VPS13A: variants seen among roughly 807,000 people sequenced by gnomAD.
VPS13A encodes the protein vacuolar protein sorting 13 homolog A.
In VPS13A, 264 loss-of-function variants were observed where a neutral mutation model predicts 390.9. The ratio of observed to expected loss-of-function variants is 0.68; its 90% confidence interval spans 0.61 to 0.75. The LOEUF (loss-of-function observed/expected upper bound fraction) is 0.75. Among genes scored for constraint, VPS13A ranks in the 30% least tolerant of loss-of-function variants. VPS13A has a pLI of 0.00. For missense variants in VPS13A, 3,409 were observed against 3,733.9 expected, an observed-to-expected ratio of 0.91 and a Z score of 2.27; for synonymous variants, 1,231 against 1,227.1, an observed-to-expected ratio of 1.00 and a Z score of -0.07.
chr9:77,409,729 CGAGAA>C (rs1264280732), intron 71 of VPS13A, among the ~76,000 whole-genome samples: 6 of 150,866 alleles, frequency 4.0e-5, no homozygotes, highest in South Asian at 2.1e-4. Context: ...TGAAATGAAG[CGAGAA>C]GAGAAGTTTA....
At chr9:77,281,723 A>ATG in intron 27 of VPS13A, 144 bp from the exon 28 acceptor site, 2 of 449,900 alleles carry the variant, frequency 4.4e-6, no homozygotes, top group South Asian at 8.3e-5. Flanking sequence ...AGGTAATTAT[A>ATG]TGTGTGTGTA....
In VPS13A at chr9:77,220,285, T is replaced by G. The variant is rs1458949673; in HGVS notation, c.891T>G (p.Ser297Arg). The G allele has an allele frequency of 2.5e-6, 4 of 1,611,078 alleles. No individual in the cohort carries two copies. The highest frequency in any genetic ancestry group is 3.4e-6 in the Non-Finnish European group (4 of 1,178,360). Residue 297 changes from serine (S) to arginine (R), a missense_variant, in exon 12 of 72, where the codon AGT becomes AGG. Transcript: ENST00000360280. Reference protein sequence around the residue: ...AIEFNKPQYFSIMELLESVDM... With the variant: ...AIEFNKPQYFRIMELLESVDM... Reference sequence around the variant, plus strand: ...AATTTTCCATTCTTTAGTATTTCAGTATTATGGAGCTTCTTGAATCAGTTG... The same window carrying G: ...AATTTTCCATTCTTTAGTATTTCAGGATTATGGAGCTTCTTGAATCAGTTG...
chr9:77,256,489 TC>T (rs1054747490), intron 22 of VPS13A, among the ~76,000 whole-genome samples: 2 of 152,126 alleles, frequency 1.3e-5, no homozygotes, highest in Non-Finnish European at 2.9e-5. Context: ...TCTATATATG[TC>T]ATTTTAGTCC....
chr9:77,329,380 A>G (rs950721215), intron 45 of VPS13A, among the ~76,000 whole-genome samples: 13 of 152,202 alleles, frequency 8.5e-5, no homozygotes, highest in African/African-American at 3.1e-4. Flanking sequence ...TCTTAACATT[A>G]ATCATTTCTA....
intron 52 of VPS13A, among the ~76,000 whole-genome samples, chr9:77,348,208 G>A (rs1831260020): frequency 6.6e-6 from 1 of 152,078 alleles, no homozygotes; most frequent in South Asian, 2.1e-4. Context: ...CAATAGCAAA[G>A]ACATGGAATC....
chr9:77,318,002 G>A (rs1293159049), intron 40 of VPS13A, among the ~76,000 whole-genome samples: 2 of 151,690 alleles, frequency 1.3e-5, no homozygotes, highest in East Asian at 1.9e-4. Flanking sequence ...ATAATATCAT[G>A]TAATTCATGG....
intron 52 of VPS13A, among the ~76,000 whole-genome samples, chr9:77,345,986 CAAGT>C (rs1831128404): frequency 6.6e-6 from 1 of 152,054 alleles, no homozygotes; most frequent in African/African-American, 2.4e-5. Context: ...AACATGTGTG[CAAGT>C]GTCTTTTTAA....
At chr9:77,411,524 G>A (rs1259465179) in intron 71 of VPS13A, among the ~76,000 whole-genome samples, 14 of 151,744 alleles carry the variant, frequency 9.2e-5, no homozygotes, top group South Asian at 4.2e-4. Context: ...TTAGCCGGGC[G>A]AGGTGGCGGG....
intron 60 of VPS13A, 74 bp downstream of exon 60, chr9:77,365,647 C>A (rs907862013): frequency 3.5e-5 from 31 of 879,512 alleles, no homozygotes; most frequent in Non-Finnish European, 5.4e-5. Flanking sequence ...ATATTGTGTT[C>A]TTCAGTAATA....
Position 77,307,083 on chromosome 9 carries a change from C to T in VPS13A, c.3961-862C>T, listed in dbSNP as rs145729341. ...TATGCCTGGCTAATTTTTGTATTTTCGGTAGAGTCGGGGTTTCACCGTGTT... is the reference window on the plus strand; with the variant it reads ...TATGCCTGGCTAATTTTTGTATTTTTGGTAGAGTCGGGGTTTCACCGTGTT... On this transcript the variant is annotated intron_variant, in intron 34 of 71. Coordinates refer to ENST00000360280, the MANE Select transcript of VPS13A (RefSeq NM_033305.3). 4.2e-3 allele frequency among the ~76,000 whole-genome samples: 644 copies of T among 151,742 alleles called. 2 individuals are homozygous for T. The highest frequency in any genetic ancestry group is 0.014 in the African/African-American group (589 of 41,418).
At chr9:77,179,492 G>GT (rs1420906378) in intron 1 of VPS13A, among the ~76,000 whole-genome samples, 3 of 152,284 alleles carry the variant, frequency 2.0e-5, no homozygotes, top group African/African-American at 7.2e-5. Flanking sequence ...GCCTCCCAAA[G>GT]TGCTGGGATT....
intron 45 of VPS13A, among the ~76,000 whole-genome samples, chr9:77,325,093 G>A (rs1829937717): frequency 6.6e-6 from 1 of 152,128 alleles, no homozygotes; most frequent in Non-Finnish European, 1.5e-5. Flanking sequence ...CAAAAATCAG[G>A]CAAGTACTCA....
chr9:77,354,960 A>G (rs1421470000), intron 54 of VPS13A, among the ~76,000 whole-genome samples: 2 of 152,124 alleles, frequency 1.3e-5, no homozygotes, highest in Non-Finnish European at 2.9e-5. Flanking sequence ...ACTTGAGGAC[A>G]TTGTTCCAGC....
At chr9:77,362,016 A>C (rs902012087) in intron 59 of VPS13A, among the ~76,000 whole-genome samples, 2 of 152,052 alleles carry the variant, frequency 1.3e-5, no homozygotes, top group African/African-American at 4.8e-5. Flanking sequence ...TTAATGAGTT[A>C]TTTGTCTTTT....
intron 1 of VPS13A, among the ~76,000 whole-genome samples, chr9:77,183,217 C>T (rs72740393): frequency 0.018 from 2,758 of 152,200 alleles, 34 homozygotes; most frequent in Non-Finnish European, 0.028. Flanking sequence ...GCTTTATTGA[C>T]GTATAATTAA....
At chr9:77,293,071 C>T (rs1827768957) in intron 31 of VPS13A, among the ~76,000 whole-genome samples, 1 of 151,290 alleles carries the variant, frequency 6.6e-6, no homozygotes, top group Non-Finnish European at 1.5e-5. Flanking sequence ...TCCTCTTCTC[C>T]ATTAAAAAAA....
chr9:77,237,825 T>C (rs955671850), intron 17 of VPS13A, among the ~76,000 whole-genome samples, 177 bp from the exon 18 acceptor site: 4 of 152,220 alleles, frequency 2.6e-5, no homozygotes, highest in African/African-American at 9.6e-5. Context: ...TAGGATTCTT[T>C]GTGAATTAAT....
At chr9:77,313,929 G>C in intron 35 of VPS13A, 63 bp from the exon 36 acceptor site, 1 of 1,487,160 alleles carries the variant, frequency 6.7e-7, no homozygotes, top group Non-Finnish European at 9.2e-7. Context: ...CTATTTCAAG[G>C]GTATTTTAAT....
chr9:77,308,894 T>C (rs1473134893), intron 35 of VPS13A, among the ~76,000 whole-genome samples: 3 of 152,184 alleles, frequency 2.0e-5, no homozygotes, highest in Non-Finnish European at 4.4e-5. Flanking sequence ...GCTTTACATT[T>C]ACAGCATTGT....
Sources: gnomAD v4.1 joint callset for allele counts (sites outside exome capture counted in the v4.1 genomes callset) on GRCh38, gnomAD v4.1.1 for gene constraint, MANE v1.5 for transcripts, NCBI Gene and HGNC (gene_info 2026-07-23, HGNC 2026-07-21) for gene names.